Variants in PHYHIPL observed in about 807,000 individuals in gnomAD.
The protein encoded by PHYHIPL is phytanoyl-CoA hydroxylase-interacting protein-like.
Under a neutral mutation model 33.4 loss-of-function variants are expected in PHYHIPL, and 9 were observed. That is an observed-to-expected ratio of 0.27 (90% confidence interval 0.16 to 0.47). The LOEUF (loss-of-function observed/expected upper bound fraction) is 0.47, where lower values mean the gene tolerates loss of function less well. Ranked by LOEUF, PHYHIPL falls within the 20% of genes least tolerant of loss-of-function variation. PHYHIPL has a pLI of 0.99. For synonymous variants in PHYHIPL, 153 were observed against 154.1 expected (o/e 0.99, Z 0.05); for missense variants, 365 against 460.7 (o/e 0.79, Z 1.90).
intron 1 of PHYHIPL, chr10:59,177,569 G>T: frequency 1.3e-6 from 2 of 1,551,686 alleles, no homozygotes; most frequent in South Asian, 2.4e-5. Context: ...GAGTCAGACT[G>T]TCGAAAATAT....
At chr10:59,216,100 C>T (rs1839606649) in intron 1 of PHYHIPL, among the ~76,000 whole-genome samples, 1 of 151,970 alleles carries the variant, frequency 6.6e-6, no homozygotes, top group East Asian at 1.9e-4. Context: ...TGGAAGTTGT[C>T]AGCAAAAAAG....
At chr10:59,218,919 T>A (rs547707188) in intron 1 of PHYHIPL, among the ~76,000 whole-genome samples, 4 of 152,144 alleles carry the variant, frequency 2.6e-5, no homozygotes, top group South Asian at 2.1e-4. Flanking sequence ...TATTCTTTTT[T>A]ATTTTTATTT....
chr10:59,221,481 T>A (rs1051409105), intron 1 of PHYHIPL, among the ~76,000 whole-genome samples: 13 of 152,134 alleles, frequency 8.5e-5, no homozygotes, highest in African/African-American at 2.4e-5. Flanking sequence ...GCTACTTGTT[T>A]ACTAGTGCTT....
upstream of PHYHIPL, among the ~76,000 whole-genome samples, chr10:59,175,652 GCACATC>G: frequency 6.6e-6 from 1 of 152,320 alleles, no homozygotes; most frequent in Non-Finnish European, 1.5e-5. Flanking sequence ...TAAAACGTTT[GCACATC>G]CACTAAGTGC....
Position 59,246,737 on chromosome 10 carries a change from G to A in PHYHIPL, c.*1146G>A. The A allele has an allele frequency of 2.5e-6, 1 of 396,808 alleles. No individual in the cohort carries two copies. Among genetic ancestry groups the A allele is most frequent in the Non-Finnish European group, 4.4e-6 (1 of 224,882 alleles). 24.6% of individuals were successfully genotyped at this position (396,808 alleles called of 1,614,324 possible). On this transcript the variant is annotated 3_prime_UTR_variant, in exon 5 of 5. Coordinates refer to ENST00000373880, the MANE Select transcript of PHYHIPL (RefSeq NM_032439.4). ...ATGGGAAATGTTTTGACTTTACAAA[G>A]TATAGATGTTGGAACATTAAGAAAA...
chr10:59,196,058 T>G (rs537839564), intron 1 of PHYHIPL, among the ~76,000 whole-genome samples: 1 of 152,306 alleles, frequency 6.6e-6, no homozygotes, highest in South Asian at 2.1e-4. Flanking sequence ...CTTAGTGTTT[T>G]GTACATACAG....
chr10:59,198,840 G>A (rs1839007506), intron 1 of PHYHIPL, among the ~76,000 whole-genome samples: 1 of 152,172 alleles, frequency 6.6e-6, no homozygotes, highest in South Asian at 2.1e-4. Context: ...TCTGTTGGCT[G>A]CATAAATGCC....
At chr10:59,175,182 G>C (rs556338122), upstream of PHYHIPL, among the ~76,000 whole-genome samples, 20 of 152,024 alleles carry the variant, frequency 1.3e-4, no homozygotes, top group African/African-American at 4.8e-4. Context: ...CCTCTCCTTG[G>C]GGACACCCCT....
chr10:59,240,096 A>G (rs1840345724), intron 4 of PHYHIPL, among the ~76,000 whole-genome samples: 1 of 152,106 alleles, frequency 6.6e-6, no homozygotes, highest in South Asian at 2.1e-4. Context: ...GTGAAAAAAT[A>G]TTCCTGCCAT....
chr10:59,208,570 A>C (rs1394273071), intron 1 of PHYHIPL, among the ~76,000 whole-genome samples: 1 of 152,126 alleles, frequency 6.6e-6, no homozygotes, highest in Non-Finnish European at 1.5e-5. Context: ...TGGACAGAGC[A>C]TGAGTTTGAC....
rs73294050 is a variant in PHYHIPL at position 59,178,655 on chromosome 10, C to T, written c.106+1696C>T. Among the ~76,000 whole-genome samples, 841 of 152,194 alleles carry T rather than the reference C, an allele frequency of 5.5e-3. 6 individuals carry two copies. Among genetic ancestry groups the T allele is most frequent in the African/African-American group, 0.019 (803 of 41,526 alleles). On this transcript the variant is annotated intron_variant, in intron 1 of 4. Coordinates refer to ENST00000373880, the MANE Select transcript of PHYHIPL (RefSeq NM_032439.4). ...AGGCATTCATTGTTGCTCTTCAGAA[C>T]CCAGTAATCTCAATACTTAAAACCG...
chr10:59,200,727 A>G (rs943212073), intron 1 of PHYHIPL, among the ~76,000 whole-genome samples: 12 of 152,196 alleles, frequency 7.9e-5, no homozygotes, highest in African/African-American at 2.2e-4. Flanking sequence ...TACTGCCTCA[A>G]TTTCAGAGCC....
At chr10:59,197,460 C>G (rs1043552399) in intron 1 of PHYHIPL, among the ~76,000 whole-genome samples, 6 of 152,158 alleles carry the variant, frequency 3.9e-5, no homozygotes, top group Non-Finnish European at 7.4e-5. Context: ...ATCTGTTACC[C>G]TGTTGTGCAA....
rs768122690 is a variant in PHYHIPL, at chr10:59,176,972, G to C, written c.106+13G>C. The C allele has an allele frequency of 6.2e-7, 1 of 1,608,872 alleles. No homozygotes were observed. Among genetic ancestry groups the C allele is most frequent in the Non-Finnish European group, 8.5e-7 (1 of 1,177,588 alleles). Reference sequence around the variant, plus strand: ...TGCGACCGGGACGGTAAGAGCGGCCGGGACCGCGAGGAAAGGGACAGAGTT... The same window carrying C: ...TGCGACCGGGACGGTAAGAGCGGCCCGGACCGCGAGGAAAGGGACAGAGTT... On this transcript the variant is annotated intron_variant, in intron 1 of 4. Transcript: ENST00000373880.
intron 4 of PHYHIPL, 101 bp downstream of exon 4, chr10:59,238,806 G>T: frequency 1.6e-6 from 1 of 623,644 alleles, no homozygotes; most frequent in Non-Finnish European, 2.7e-6. Context: ...AGCAATTCTA[G>T]ATTTCTTTTC....
At chr10:59,233,610 T>C (rs1369211369) in intron 1 of PHYHIPL, among the ~76,000 whole-genome samples, 1 of 151,822 alleles carries the variant, frequency 6.6e-6, no homozygotes, top group Non-Finnish European at 1.5e-5. Flanking sequence ...GTTAGCCAAA[T>C]TGTTAGCATT....
chr10:59,233,092 G>C (rs1228714309), intron 1 of PHYHIPL, among the ~76,000 whole-genome samples: 1 of 151,512 alleles, frequency 6.6e-6, no homozygotes, highest in Admixed American at 6.6e-5. Context: ...CATAGGAGAA[G>C]AAAAAAGGAT....
chr10:59,231,268 C>T (rs1006107620), intron 1 of PHYHIPL, among the ~76,000 whole-genome samples: 3 of 151,850 alleles, frequency 2.0e-5, no homozygotes, highest in Non-Finnish European at 2.9e-5. Flanking sequence ...GTAGACAGGC[C>T]TAATTCACCT....
intron 1 of PHYHIPL, among the ~76,000 whole-genome samples, chr10:59,197,442 G>T (rs2452511): frequency 0.046 from 7,015 of 152,114 alleles, 450 homozygotes; most frequent in African/African-American, 0.14. Context: ...GGGTCATTTG[G>T]TTTTGGCATC....
Sources: gnomAD v4.1 joint callset for allele counts (sites outside exome capture counted in the v4.1 genomes callset) on GRCh38, gnomAD v4.1.1 for gene constraint, MANE v1.5 for transcripts, NCBI Gene and HGNC (gene_info 2026-07-23, HGNC 2026-07-21) for gene names.